Variants in NAV3 observed in about 807,000 individuals in gnomAD.
NAV3 encodes pore membrane and/or filament interacting like protein 1.
In NAV3, 87 loss-of-function variants were observed where a neutral mutation model predicts 244.7. The observed-to-expected ratio is 0.36, with a 90% CI of 0.30 to 0.42. The LOEUF (loss-of-function observed/expected upper bound fraction) is 0.42, where lower values mean the gene tolerates loss of function less well. Among genes scored for constraint, NAV3 ranks in the 20% least tolerant of loss-of-function variants. The pLI is 1.00. For synonymous variants in NAV3, 1,126 were observed against 1,042.2 expected, an observed-to-expected ratio of 1.08 and a Z score of -1.55; for missense variants, 2,663 against 2,893.3, an observed-to-expected ratio of 0.92 and a Z score of 1.83.
At chr12:77,892,782 C>T (rs1884102455) in intron 1 of NAV3, among the ~76,000 whole-genome samples, 1 of 152,046 alleles carries the variant, frequency 6.6e-6, no homozygotes, top group South Asian at 2.1e-4. Flanking sequence ...TTATTTGAAC[C>T]TATTAAACGT....
Position 77,766,735 on chromosome 12 carries a change from G to GTTTGTTTTTTTTTTTTTTTTTT in NAV3, c.73-173581_73-173580insGTTTTTTTTTTTTTTTTTTTTT, listed in dbSNP as rs1555202961. On this transcript the variant is annotated intron_variant, in intron 2 of 8. Coordinates refer to the NAV3 transcript ENST00000550042. ...AGGATTCTAAAAAACAGGCAATTAAGTTTTTTTTTTTTTTTTTTTTTTTTT... is the reference window on the plus strand; with the variant it reads ...AGGATTCTAAAAAACAGGCAATTAAGTTTGTTTTTTTTTTTTTTTTTTTTTTTTTTTTTTTTTTTTTTTTTTT... 1.6e-3 allele frequency among the ~76,000 whole-genome samples: 95 copies of GTTTGTTTTTTTTTTTTTTTTTT among 60,514 alleles called. 29 individuals carry two copies. Among genetic ancestry groups the GTTTGTTTTTTTTTTTTTTTTTT allele is most frequent in the South Asian group, 2.5e-3 (3 of 1,190 alleles). The allele number at this position is 60,514 out of a possible 152,430, so 39.7% of individuals were successfully genotyped here.
chr12:78,150,948 T>A (rs1019333098), intron 22 of NAV3, among the ~76,000 whole-genome samples: 1 of 151,930 alleles, frequency 6.6e-6, no homozygotes, highest in African/African-American at 2.4e-5. Flanking sequence ...AGCACAGATA[T>A]GCAGATAATA....
At chr12:78,106,231 T>C (rs930238193) in intron 12 of NAV3, among the ~76,000 whole-genome samples, 1 of 152,134 alleles carries the variant, frequency 6.6e-6, no homozygotes, top group Non-Finnish European at 1.5e-5. Context: ...AGCAAGATCA[T>C]AGCATACAAA....
chr12:78,076,160 T>C (rs11108169), intron 12 of NAV3, among the ~76,000 whole-genome samples: 1,578 of 152,300 alleles, frequency 0.01, 26 homozygotes, highest in African/African-American at 0.036. Context: ...GTTTACAATA[T>C]GAAAATGTGT....
upstream of NAV3, among the ~76,000 whole-genome samples, chr12:77,827,235 CCAAA>C (rs1405817829): frequency 2.0e-5 from 1 of 50,668 alleles, no homozygotes; most frequent in African/African-American, 1.2e-4. Context: ...GACTCTGTCT[CCAAA>C]AAAAAAAAAA....
In NAV3 at chr12:78,201,272, A is replaced by C. The variant is rs80150717; in HGVS notation, c.6834+681A>C. On this transcript the variant is annotated intron_variant, in intron 38 of 39. Coordinates refer to ENST00000397909, the MANE Select transcript of NAV3 (RefSeq NM_001024383.2). ...ATTATTTTAGAGACATGGTCTCGCT[A>C]GGTTGCTCAGGCTGGAATTGCTTTT... 6.6e-3 allele frequency among the ~76,000 whole-genome samples: 995 copies of C among 151,668 alleles called. 13 individuals are homozygous for C. The highest frequency in any genetic ancestry group is 0.023 in the African/African-American group (950 of 41,398).
chr12:77,684,833 A>G (rs980554346), intron 2 of NAV3, among the ~76,000 whole-genome samples: 6 of 152,078 alleles, frequency 3.9e-5, no homozygotes, highest in African/African-American at 1.4e-4. Context: ...ATTTTTGCAT[A>G]TGGCCTGAGG....
At chr12:77,945,128 A>AT (rs1279835623) in intron 3 of NAV3, among the ~76,000 whole-genome samples, 4 of 149,350 alleles carry the variant, frequency 2.7e-5, no homozygotes, top group East Asian at 4.1e-4. Flanking sequence ...AGAGAAAAAA[A>AT]AAAAATAAAT....
intron 2 of NAV3, among the ~76,000 whole-genome samples, chr12:77,622,455 G>A (rs765337451): frequency 5.3e-5 from 8 of 151,392 alleles, no homozygotes; most frequent in Non-Finnish European, 7.4e-5. Context: ...CACCGCACCC[G>A]GCCCCCAAGC....
rs181349073 is a variant in NAV3 at position 77,774,343 on chromosome 12, C to G, written c.73-165976C>G. 1.5e-3 allele frequency among the ~76,000 whole-genome samples: 224 copies of G among 152,240 alleles called. 1 individual carries two copies. Among genetic ancestry groups the G allele is most frequent in the African/African-American group, 4.6e-3 (192 of 41,540 alleles). ...GTAGGATGGACTATTTTAGCCTTCA[C>G]AAGTTGATGCTGATCATATCCCTGC... On this transcript the variant is annotated intron_variant, in intron 2 of 8. Coordinates refer to the NAV3 transcript ENST00000550042.
intron 2 of NAV3, among the ~76,000 whole-genome samples, chr12:77,672,682 A>G (rs1592567085): frequency 6.6e-6 from 1 of 151,896 alleles, no homozygotes; most frequent in Non-Finnish European, 1.5e-5. Context: ...GACTCAGGGG[A>G]AAGGGTGGGA....
intron 1 of NAV3, among the ~76,000 whole-genome samples, chr12:77,903,561 C>T (rs11107271): frequency 0.11 from 16,771 of 151,998 alleles, 1,064 homozygotes; most frequent in South Asian, 0.2. Flanking sequence ...ACCTAGGCAA[C>T]ACCATTCAGG....
At chr12:77,722,261 A>G (rs1444428495) in intron 2 of NAV3, among the ~76,000 whole-genome samples, 3 of 151,798 alleles carry the variant, frequency 2.0e-5, no homozygotes, top group African/African-American at 7.2e-5. Context: ...GCTGTGACTA[A>G]CATACTTTAT....
chr12:77,728,007 T>G (rs1374671152), intron 2 of NAV3, among the ~76,000 whole-genome samples: 1 of 151,862 alleles, frequency 6.6e-6, no homozygotes, highest in East Asian at 1.9e-4. Context: ...TTAGATGTTT[T>G]AAAATTGGAA....
At chr12:77,806,048 C>A (rs929004694) in intron 2 of NAV3, among the ~76,000 whole-genome samples, 1 of 151,230 alleles carries the variant, frequency 6.6e-6, no homozygotes, top group Non-Finnish European at 1.5e-5. Context: ...CTATTTGATT[C>A]TTCTCTCTTT....
At chr12:78,024,963 A>G (rs931407180) in intron 9 of NAV3, among the ~76,000 whole-genome samples, 5 of 148,372 alleles carry the variant, frequency 3.4e-5, no homozygotes, top group Non-Finnish European at 7.4e-5. Context: ...AGACAGAGCA[A>G]GACTCTGTCT....
Position 78,007,413 on chromosome 12 carries a change from G to A in NAV3, c.1875G>A (p.Pro625=), listed in dbSNP as rs369799002. Residue 625 remains proline, a synonymous_variant, in exon 8 of 40, where the codon CCG becomes CCA. Coordinates refer to ENST00000397909, the MANE Select transcript of NAV3 (RefSeq NM_001024383.2). ...QLPQQQQHSH[P]NTATVAPFIY... ...CTCAACAGCAGCAACATAGCCACCC[G>A]AATACCGCGACAGTGGCACCATTCA... The A allele has an allele frequency of 1.1e-4, 183 of 1,613,828 alleles. No individual in the cohort carries two copies. Among genetic ancestry groups the A allele is most frequent in the Admixed American group, 1.7e-4 (10 of 59,988 alleles).
chr12:77,863,623 A>G (rs1379794128), intron 1 of NAV3, among the ~76,000 whole-genome samples: 1 of 151,752 alleles, frequency 6.6e-6, no homozygotes, highest in African/African-American at 2.4e-5. Flanking sequence ...CTTTGCTATG[A>G]TTTCTTGATT....
At chr12:77,965,475 G>A (rs1892430170) in intron 3 of NAV3, among the ~76,000 whole-genome samples, 2 of 152,102 alleles carry the variant, frequency 1.3e-5, no homozygotes, top group South Asian at 2.1e-4. Context: ...AAAAATTAGC[G>A]GGGCGTGGTG....
Sources: gnomAD v4.1 joint callset for allele counts (sites outside exome capture counted in the v4.1 genomes callset) on GRCh38, gnomAD v4.1.1 for gene constraint, MANE v1.5 for transcripts, NCBI Gene and HGNC (gene_info 2026-07-23, HGNC 2026-07-21) for gene names.